The following ROR2 variants were observed in gnomAD, a reference collection of about 807,000 sequenced individuals.
ROR2 encodes tyrosine-protein kinase transmembrane receptor ROR2.
ROR2 carries 33 observed loss-of-function variants against 74.9 expected under a neutral mutation model. The ratio of observed to expected loss-of-function variants is 0.44; its 90% CI spans 0.33 to 0.59. The LOEUF is 0.59. Ranked by LOEUF, ROR2 falls within the 20% of genes least tolerant of loss-of-function variation. The pLI is 0.02. For missense variants in ROR2, 1,216 were observed against 1,313.8 expected, an observed-to-expected ratio of 0.93 and a Z score of 1.15; for synonymous variants, 586 against 558.7, an observed-to-expected ratio of 1.05 and a Z score of -0.69.
rs1347793502 is a variant in ROR2, at chr9:91,733,313, C to T, written c.746G>A (p.Arg249His). 7.4e-6 allele frequency: 12 copies of T among 1,612,670 alleles called. No individual in the cohort carries two copies. The highest frequency in any genetic ancestry group is 1.7e-5 in the Admixed American group (1 of 59,946). Reference protein sequence around the residue: ...CDARSRTPKPRELCRDECEVL... With the variant: ...CDARSRTPKPHELCRDECEVL... Reference sequence around the variant, plus strand: ...CTCGCACTCGTCGCGGCACAGCTCACGCGGCTTGGGTGTCCGGGAGCGCGC... The same window carrying T: ...CTCGCACTCGTCGCGGCACAGCTCATGCGGCTTGGGTGTCCGGGAGCGCGC... The change falls in exon 6 of 9, where the codon CGT becomes CAT. Residue 249 changes from arginine to histidine, a missense_variant. By Grantham distance (29) the Arg-to-His change is conservative. Coordinates refer to ENST00000375708, the MANE Select transcript of ROR2 (RefSeq NM_004560.4). The surrounding 1 kb of genome is among the most constrained non-coding windows in gnomAD (Gnocchi z 5.7).
At chr9:91,902,163 G>C (rs1830692330) in intron 1 of ROR2, among the ~76,000 whole-genome samples, 1 of 152,156 alleles carries the variant, frequency 6.6e-6, no homozygotes, top group East Asian at 1.9e-4. Context: ...TAGTCAACAA[G>C]TAAGAGATGC....
intron 1 of ROR2, among the ~76,000 whole-genome samples, chr9:91,864,228 A>G (rs1374014472): frequency 6.6e-6 from 1 of 152,192 alleles, no homozygotes; most frequent in East Asian, 1.9e-4. Context: ...GATTATGTGA[A>G]TTACTGGACA....
chr9:91,866,879 T>G (rs1202625107), intron 1 of ROR2, among the ~76,000 whole-genome samples: 1 of 152,152 alleles, frequency 6.6e-6, no homozygotes, highest in Non-Finnish European at 1.5e-5. Context: ...TAACCCAATT[T>G]TGGGGAGAAA....
intron 1 of ROR2, among the ~76,000 whole-genome samples, chr9:91,920,378 T>C (rs1831232480): frequency 1.3e-5 from 2 of 152,200 alleles, no homozygotes; most frequent in South Asian, 4.1e-4. Flanking sequence ...TGATGGCACA[T>C]GCCTGTAGTC....
intron 2 of ROR2, among the ~76,000 whole-genome samples, chr9:91,770,830 CT>C (rs1826203864): frequency 1.3e-5 from 2 of 152,308 alleles, no homozygotes; most frequent in East Asian, 1.9e-4. Context: ...ACCTAACAAA[CT>C]ATCATACGTA....
chr9:91,760,097 G>A (rs1223215125), intron 2 of ROR2, among the ~76,000 whole-genome samples: 1 of 152,224 alleles, frequency 6.6e-6, no homozygotes, highest in Non-Finnish European at 1.5e-5. Context: ...CCAAAGCACA[G>A]CAAGCTGGTT....
chr9:91,918,263 CAAAA>C (rs533398274), intron 1 of ROR2, among the ~76,000 whole-genome samples: 2 of 104,296 alleles, frequency 1.9e-5, no homozygotes, highest in Non-Finnish European at 4.2e-5. Context: ...AGACTCGTCT[CAAAA>C]AAAAAAAAAA....
intron 2 of ROR2, 95 bp downstream of exon 2, chr9:91,775,646 C>T: frequency 8.6e-7 from 1 of 1,166,560 alleles, no homozygotes; most frequent in Non-Finnish European, 1.3e-6. Flanking sequence ...GGCCAGAGGA[C>T]CCCCAGCGCC....
intron 1 of ROR2, among the ~76,000 whole-genome samples, chr9:91,804,281 C>G (rs1393168073): frequency 6.6e-6 from 1 of 152,186 alleles, no homozygotes; most frequent in Non-Finnish European, 1.5e-5. Flanking sequence ...CTCTCTCTCT[C>G]CTGTGTTCCA....
chr9:91,888,063 T>C (rs1830335014), intron 1 of ROR2, among the ~76,000 whole-genome samples: 1 of 152,188 alleles, frequency 6.6e-6, no homozygotes, highest in African/African-American at 2.4e-5. Flanking sequence ...GTGCTGGGAT[T>C]ACAAGCGTGA....
chr9:91,764,384 G>A (rs1459994516), intron 2 of ROR2, among the ~76,000 whole-genome samples: 2 of 151,606 alleles, frequency 1.3e-5, no homozygotes, highest in Admixed American at 1.3e-4. Context: ...TATTTCCATT[G>A]CCTTTTATTT....
intron 1 of ROR2, among the ~76,000 whole-genome samples, chr9:91,947,076 T>TAAA (rs369954238): frequency 6.6e-6 from 1 of 151,442 alleles, no homozygotes; most frequent in African/African-American, 2.4e-5. Context: ...GAATAAACAA[T>TAAA]AAAAAAAAGG....
At chr9:91,914,702 T>G (rs114205526) in intron 1 of ROR2, among the ~76,000 whole-genome samples, 1 of 152,130 alleles carries the variant, frequency 6.6e-6, no homozygotes, top group South Asian at 2.1e-4. Flanking sequence ...AACCAGGACC[T>G]GCAGTCACAG....
rs1837041041 is a variant in ROR2 at position 91,726,547 on chromosome 9, G to T, written c.1380C>A (p.His460Gln). The change falls in exon 8 of 9, where the codon CAC becomes CAA. Residue 460 changes from histidine (H) to glutamine (Q), a missense_variant. Coordinates refer to ENST00000375708, the MANE Select transcript of ROR2 (RefSeq NM_004560.4). ...QDMEMPLINQHKQAKLKEISL... is the reference protein window; with the variant it reads ...QDMEMPLINQQKQAKLKEISL... ...AAATGTAAGGCATGGAGACCTGTTT[G>T]TGCTGGTTAATGAGGGGCATTTCCA... 6.2e-7 allele frequency: 1 copy of T among 1,612,232 alleles called. No homozygotes were observed. The highest frequency in any genetic ancestry group is 8.5e-7 in the Non-Finnish European group (1 of 1,180,006).
At chr9:91,801,051 G>A (rs962980296) in intron 1 of ROR2, among the ~76,000 whole-genome samples, 1 of 152,076 alleles carries the variant, frequency 6.6e-6, no homozygotes, top group African/African-American at 2.4e-5. Flanking sequence ...AACCTACAGA[G>A]GGAACAGAAT....
At chr9:91,828,604 C>G (rs1828363307) in intron 1 of ROR2, among the ~76,000 whole-genome samples, 1 of 152,140 alleles carries the variant, frequency 6.6e-6, no homozygotes. Context: ...ATCCCAGGTA[C>G]TCGGGAGGCT....
chr9:91,903,565 A>T (rs183426076), intron 1 of ROR2, among the ~76,000 whole-genome samples: 1 of 152,132 alleles, frequency 6.6e-6, no homozygotes, highest in African/African-American at 2.4e-5. Flanking sequence ...CTTCTGGAAC[A>T]AACAACCCCA....
intron 1 of ROR2, among the ~76,000 whole-genome samples, chr9:91,821,218 C>T (rs999495621): frequency 2.0e-4 from 30 of 152,164 alleles, no homozygotes; most frequent in Non-Finnish European, 3.2e-4. Flanking sequence ...GAGAACCAAC[C>T]CTGCCCACAC....
chr9:91,863,636 T>A (rs1398075148), intron 1 of ROR2, among the ~76,000 whole-genome samples: 1 of 152,072 alleles, frequency 6.6e-6, no homozygotes, highest in Non-Finnish European at 1.5e-5. Context: ...TTATGCTCAG[T>A]GAAAGAAGCT....
Sources: allele counts gnomAD v4.1 joint callset (sites outside exome capture counted in the v4.1 genomes callset), GRCh38; gene constraint gnomAD v4.1.1; non-coding constraint Gnocchi (gnomAD v3.1); transcripts MANE v1.5; gene names NCBI Gene and HGNC (gene_info 2026-07-23, HGNC 2026-07-21).